ST8SIA2: variants seen among roughly 807,000 people sequenced by gnomAD.
ST8SIA2 encodes the protein ST8 alpha-N-acetyl-neuraminide alpha-2,8-sialyltransferase 2, also known as alpha-2,8-sialyltransferase 8B.
In ST8SIA2, 22 loss-of-function variants were observed where a neutral mutation model predicts 37.6. That is an observed-to-expected ratio of 0.58 (90% CI 0.42 to 0.83). The LOEUF is 0.83. ST8SIA2 is among the 40% of genes least tolerant of loss of function. The probability of loss-of-function intolerance (pLI) is 0.00; values close to 1 mark genes in which losing one functional copy is unlikely to be tolerated. For missense variants in ST8SIA2, 382 were observed against 484.7 expected (o/e 0.79, Z 1.99); for synonymous variants, 205 against 201.2 (o/e 1.02, Z -0.16).
chr15:92,415,849 G>A (rs542087935), intron 1 of ST8SIA2, among the ~76,000 whole-genome samples: 6 of 152,224 alleles, frequency 3.9e-5, no homozygotes, highest in Non-Finnish European at 8.8e-5. Flanking sequence ...GAGAGGGCAC[G>A]ATATTTAAAG....
intron 4 of ST8SIA2, among the ~76,000 whole-genome samples, chr15:92,441,601 A>G (rs2049802694): frequency 6.7e-6 from 1 of 150,112 alleles, no homozygotes. Flanking sequence ...ACACACACAC[A>G]CACACACACA....
chr15:92,426,104 G>C (rs1056096394), intron 1 of ST8SIA2, among the ~76,000 whole-genome samples: 2 of 152,184 alleles, frequency 1.3e-5, no homozygotes, highest in Non-Finnish European at 2.9e-5. Context: ...CCAGGCCTTG[G>C]TCTCTTTGAC....
At chr15:92,429,772 G>A (rs545963574) in intron 1 of ST8SIA2, among the ~76,000 whole-genome samples, 78 of 152,336 alleles carry the variant, frequency 5.1e-4, no homozygotes, top group Middle Eastern at 3.4e-3. Context: ...TTTATTTGCC[G>A]TCTTAAATGA....
At chr15:92,430,748 T>C (rs2049709518) in intron 2 of ST8SIA2, among the ~76,000 whole-genome samples, 1 of 152,142 alleles carries the variant, frequency 6.6e-6, no homozygotes, top group South Asian at 2.1e-4. Flanking sequence ...AAGTGCCCCA[T>C]AGCTATGGCC....
chr15:92,440,341 T>A (rs2049792358), intron 4 of ST8SIA2, among the ~76,000 whole-genome samples: 1 of 152,166 alleles, frequency 6.6e-6, no homozygotes, highest in South Asian at 2.1e-4. Flanking sequence ...CCTATTGACA[T>A]GCAGAGTTTT....
At position 92,401,455 on chromosome 15, in the gene ST8SIA2, T is replaced by G. The variant is rs118138287; in HGVS notation, c.98+7293T>G. 2.6e-4 allele frequency among the ~76,000 whole-genome samples: 39 copies of G among 152,338 alleles called. 1 individual carries two copies. The East Asian group carries it at 7.1e-3, about 28-fold the overall frequency. ...CTGACGGGACCTGTGTGTCCCATGT[T>G]TTCTCAGCTTTGGCTGTCACTGACT... On this transcript the variant is annotated intron_variant, in intron 1 of 5. Transcript: ENST00000268164.
At chr15:92,400,060 TC>T (rs763617311) in intron 1 of ST8SIA2, among the ~76,000 whole-genome samples, 4 of 152,192 alleles carry the variant, frequency 2.6e-5, no homozygotes, top group Non-Finnish European at 4.4e-5. Flanking sequence ...CCTTTGCACA[TC>T]CCGCTCCTGC....
chr15:92,463,307 G>T (rs1334837751), intron 5 of ST8SIA2, among the ~76,000 whole-genome samples: 3 of 152,208 alleles, frequency 2.0e-5, no homozygotes, highest in Admixed American at 1.3e-4. Flanking sequence ...TTCAGAGGTG[G>T]ATACACCAAG....
At chr15:92,394,952 C>T (rs1435867467) in intron 1 of ST8SIA2, among the ~76,000 whole-genome samples, 2 of 152,104 alleles carry the variant, frequency 1.3e-5, no homozygotes, top group African/African-American at 4.8e-5. Flanking sequence ...TTTCTCCCGA[C>T]CTCGCCAGAG....
At chr15:92,409,848 G>A (rs2049536795) in intron 1 of ST8SIA2, among the ~76,000 whole-genome samples, 1 of 152,238 alleles carries the variant, frequency 6.6e-6, no homozygotes, top group Non-Finnish European at 1.5e-5. Context: ...CTGTGTGTGA[G>A]CAAAGTGCAT....
chr15:92,424,378 T>C (rs1045987971), intron 1 of ST8SIA2, among the ~76,000 whole-genome samples: 3 of 152,124 alleles, frequency 2.0e-5, no homozygotes, highest in African/African-American at 7.3e-5. Context: ...GAATTTTCAA[T>C]TAAAAAATTA....
intron 1 of ST8SIA2, 116 bp downstream of exon 1, chr15:92,394,278 G>A (rs1269001152): frequency 2.1e-6 from 2 of 944,322 alleles, no homozygotes; most frequent in Non-Finnish European, 3.3e-6. Flanking sequence ...AGCTCCGCTG[G>A]AGAGATGGGG....
rs77534249 is a variant in ST8SIA2, at chr15:92,417,855, T to C, written c.99-12194T>C. On this transcript the variant is annotated intron_variant, in intron 1 of 5. Coordinates refer to ENST00000268164, the MANE Select transcript of ST8SIA2 (RefSeq NM_006011.4). ...GTGTCTGGGTCACGCCTTATCCTTA[T>C]AGTGTAATGTGAGCGGAGAGTCTAG... Among the ~76,000 whole-genome samples the C allele has an allele frequency of 6.2e-3, 938 of 152,296 alleles. 11 individuals are homozygous for C. Among genetic ancestry groups the C allele is most frequent in the African/African-American group, 0.02 (851 of 41,548 alleles).
chr15:92,439,837 T>C (rs1027806064), intron 4 of ST8SIA2, among the ~76,000 whole-genome samples: 1 of 151,228 alleles, frequency 6.6e-6, no homozygotes, highest in Non-Finnish European at 1.5e-5. Context: ...TCTGTCTGCT[T>C]GGAAGCCAGA....
At chr15:92,402,619 A>G (rs12592946) in intron 1 of ST8SIA2, among the ~76,000 whole-genome samples, 75,212 of 152,002 alleles carry the variant, frequency 0.49, 18,764 homozygotes, top group Middle Eastern at 0.54. Flanking sequence ...TGCTGAAGGA[A>G]ACTTAGGGGA....
chr15:92,464,601 A>C lies in ST8SIA2; in HGVS notation c.*216A>C. ...GGTGTTCATCTAGCATTAGGCAGAT[A>C]GGCCACAGGAAGAAGGTGTGGAGAA... On this transcript the variant is annotated 3_prime_UTR_variant, in exon 6 of 6. Coordinates refer to ENST00000268164, the MANE Select transcript of ST8SIA2 (RefSeq NM_006011.4). The C allele has an allele frequency of 1.7e-6, 1 of 604,502 alleles. No individual in the cohort carries two copies. The highest frequency in any genetic ancestry group is 2.9e-6 in the Non-Finnish European group (1 of 344,648). The allele number at this position is 604,502 out of a possible 1,614,324, so 37.4% of individuals were successfully genotyped here. A position where few individuals can be genotyped will look rare whatever the true frequency, so the allele number is the denominator to read the frequency against.
At chr15:92,395,905 AC>A (rs2049427250) in intron 1 of ST8SIA2, among the ~76,000 whole-genome samples, 1 of 152,216 alleles carries the variant, frequency 6.6e-6, no homozygotes, top group Non-Finnish European at 1.5e-5. Flanking sequence ...CTGAATTCTT[AC>A]CAAATACCTT....
Position 92,410,760 on chromosome 15 carries a change from A to G in ST8SIA2, c.98+16598A>G, listed in dbSNP as rs17599828. On this transcript the variant is annotated intron_variant, in intron 1 of 5. Coordinates refer to ENST00000268164, the MANE Select transcript of ST8SIA2 (RefSeq NM_006011.4). ...GTGTAATAAAAACAAAAATAACAAT[A>G]GCGTGCTCATAGTACTGCTGATTCC... 5.4e-3 allele frequency among the ~76,000 whole-genome samples: 822 copies of G among 152,284 alleles called. 8 individuals carry two copies. The highest frequency in any genetic ancestry group is 0.024 in the Middle Eastern group (7 of 294).
At chr15:92,455,680 G>T (rs779221255) in intron 5 of ST8SIA2, among the ~76,000 whole-genome samples, 1 of 152,152 alleles carries the variant, frequency 6.6e-6, no homozygotes, top group South Asian at 2.1e-4. Flanking sequence ...AGCCATTGGC[G>T]GGCATTGAGG....
Sources: allele counts gnomAD v4.1 joint callset (sites outside exome capture counted in the v4.1 genomes callset), GRCh38; gene constraint gnomAD v4.1.1; transcripts MANE v1.5; gene names NCBI Gene and HGNC (gene_info 2026-07-23, HGNC 2026-07-21).